The following LIFR variants were observed in gnomAD, a reference collection of about 807,000 sequenced individuals.
LIFR encodes LIF receptor subunit alpha, also known as leukemia inhibitory factor receptor.
LIFR carries 84 observed loss-of-function variants against 122.2 expected under a neutral mutation model. That is an observed-to-expected ratio of 0.69 (90% CI 0.58 to 0.82). The LOEUF (loss-of-function observed/expected upper bound fraction) is 0.82, where lower values mean the gene tolerates loss of function less well. Ranked by LOEUF, LIFR falls within the 40% of genes least tolerant of loss-of-function variation. The pLI is 0.00. For missense variants in LIFR, 1,294 were observed against 1,311.6 expected, an observed-to-expected ratio of 0.99 and a Z score of 0.21; for synonymous variants, 422 against 434.7, an observed-to-expected ratio of 0.97 and a Z score of 0.36.
intron 11 of LIFR, among the ~76,000 whole-genome samples, chr5:38,500,862 G>C (rs1745137593): frequency 6.6e-6 from 1 of 152,160 alleles, no homozygotes; most frequent in Non-Finnish European, 1.5e-5. Context: ...ATAATGGTAT[G>C]TTACTTCCGA....
At chr5:38,538,818 T>C (rs1303008627) in intron 1 of LIFR, among the ~76,000 whole-genome samples, 2 of 152,202 alleles carry the variant, frequency 1.3e-5, no homozygotes, top group Non-Finnish European at 2.9e-5. Context: ...ACTAACCCTA[T>C]CATTCTTTGA....
At chr5:38,511,463 G>A (rs191999775) in intron 6 of LIFR, among the ~76,000 whole-genome samples, 5 of 151,700 alleles carry the variant, frequency 3.3e-5, no homozygotes, top group Admixed American at 3.3e-4. Context: ...CAGAAATTGG[G>A]AACTGTTTTG....
intron 1 of LIFR, among the ~76,000 whole-genome samples, chr5:38,570,784 G>A (rs1438614606): frequency 2.6e-5 from 4 of 152,120 alleles, no homozygotes; most frequent in East Asian, 1.9e-4. Context: ...GATCTAACTT[G>A]CTAAATCTCC....
intron 1 of LIFR, among the ~76,000 whole-genome samples, chr5:38,565,991 GA>G (rs897658013): frequency 2.0e-5 from 3 of 152,148 alleles, no homozygotes; most frequent in African/African-American, 7.2e-5. Flanking sequence ...TTTGTCTTAT[GA>G]AGACTCTGAT....
upstream of LIFR, among the ~76,000 whole-genome samples, chr5:38,596,834 G>A (rs1002368586): frequency 2.6e-5 from 4 of 151,854 alleles, no homozygotes; most frequent in African/African-American, 9.7e-5. Context: ...GCGGTGACCT[G>A]TTCAACTTTG....
At chr5:38,581,233 C>CT (rs1320704590) in intron 1 of LIFR, among the ~76,000 whole-genome samples, 3 of 151,794 alleles carry the variant, frequency 2.0e-5, no homozygotes, top group Admixed American at 2.0e-4. Context: ...AAAAAAAAAA[C>CT]TTATCAGGTC....
intron 3 of LIFR, among the ~76,000 whole-genome samples, chr5:38,527,518 T>C (rs990468840): frequency 1.3e-5 from 2 of 152,178 alleles, no homozygotes; most frequent in Admixed American, 6.5e-5. Flanking sequence ...AGAATAAGCA[T>C]AGATGACTCC....
chr5:38,555,745 G>T (rs2112671407), intron 1 of LIFR, among the ~76,000 whole-genome samples: 1 of 152,190 alleles, frequency 6.6e-6, no homozygotes, highest in Non-Finnish European at 1.5e-5. Context: ...CATTAATTCA[G>T]ATTAATCATG....
intron 1 of LIFR, among the ~76,000 whole-genome samples, chr5:38,555,266 G>A (rs1383294976): frequency 6.6e-6 from 1 of 152,172 alleles, no homozygotes; most frequent in African/African-American, 2.4e-5. Context: ...TCTGGTAACA[G>A]TGAAATGTAA....
At chr5:38,587,524 C>G (rs990145559) in intron 1 of LIFR, among the ~76,000 whole-genome samples, 1 of 150,854 alleles carries the variant, frequency 6.6e-6, no homozygotes, top group African/African-American at 2.4e-5. Flanking sequence ...ACAGAACTAG[C>G]AAGAGAAGAC....
At chr5:38,494,446 C>G (rs1744768927) in intron 13 of LIFR, among the ~76,000 whole-genome samples, 1 of 65,620 alleles carries the variant, frequency 1.5e-5, no homozygotes, top group African/African-American at 4.7e-5. Context: ...TAGGAGACAC[C>G]AAGGGGCAAG....
At position 38,502,710 on chromosome 5, in the gene LIFR, A is replaced by G; in HGVS notation, c.1527T>C (p.Ile509=). 6.2e-7 allele frequency: 1 copy of G among 1,612,734 alleles called. No homozygotes were observed. Among genetic ancestry groups the G allele is most frequent in the Admixed American group, 1.7e-5 (1 of 60,012 alleles). Residue 509 remains isoleucine (I), a synonymous_variant, in exon 11 of 20, where the codon ATT becomes ATC. Transcript: ENST00000453190. ...LNPYTLYTFR[I]RCSTETFWKW... ...TCCAGAAAGTTTCAGTAGAACAACG[A>G]ATCCGAAAAGTATATAGAGTGTATG...
chr5:38,587,459 A>C (rs886071250), intron 1 of LIFR, among the ~76,000 whole-genome samples: 5 of 150,580 alleles, frequency 3.3e-5, no homozygotes, highest in Non-Finnish European at 7.4e-5. Context: ...AGAAAGAGTC[A>C]GGTAGCACTT....
In LIFR at chr5:38,482,716, AGAT is replaced by A. The variant is rs749976624; in HGVS notation, c.2592-52_2592-50del. 1.3e-5 allele frequency: 10 copies of A among 776,366 alleles called. No individual in the cohort carries two copies. The South Asian group carries it at 2.0e-4, about 15-fold the overall frequency. 48.1% of individuals were successfully genotyped at this position (776,366 alleles called of 1,614,324 possible). On this transcript the variant is annotated intron_variant, in intron 18 of 19. Coordinates refer to ENST00000453190, the MANE Select transcript of LIFR (RefSeq NM_001127671.2). Reference sequence around the variant, plus strand: ...TAAATTTAATAGTTTTAAGATTATTAGATAATAAATTAATAAATCATTAGGCTT... The same window carrying A: ...TAAATTTAATAGTTTTAAGATTATTAAATAAATTAATAAATCATTAGGCTT...
intron 5 of LIFR, among the ~76,000 whole-genome samples, chr5:38,519,544 C>A (rs902116220): frequency 6.6e-6 from 1 of 152,154 alleles, no homozygotes; most frequent in Non-Finnish European, 1.5e-5. Context: ...CTATCTAACA[C>A]AGAACTTATA....
intron 1 of LIFR, among the ~76,000 whole-genome samples, chr5:38,568,437 C>T (rs1247179707): frequency 1.3e-5 from 2 of 152,212 alleles, no homozygotes; most frequent in East Asian, 3.9e-4. Flanking sequence ...AGTCCAGAAG[C>T]ATGGGGAGGT....
Position 38,476,743 on chromosome 5 carries a change from T to C in LIFR, c.*4852A>G, listed in dbSNP as rs1743740881. On this transcript the variant is annotated 3_prime_UTR_variant, in exon 20 of 20. Transcript: ENST00000453190. Reference sequence around the variant, plus strand: ...TTTTCTTTTATAAGAGCTTTTGATGTACTGTTTCTACGGTTCTTTAGGCAC... The same window carrying C: ...TTTTCTTTTATAAGAGCTTTTGATGCACTGTTTCTACGGTTCTTTAGGCAC... 9.5e-6 allele frequency: 2 copies of C among 210,768 alleles called. No homozygotes were observed. Among genetic ancestry groups the C allele is most frequent in the Admixed American group, 5.9e-5 (1 of 16,944 alleles). The allele number at this position is 210,768 out of a possible 1,614,324, so 13.1% of individuals were successfully genotyped here.
chr5:38,569,826 G>C (rs756992667), intron 1 of LIFR, among the ~76,000 whole-genome samples: 3 of 152,050 alleles, frequency 2.0e-5, no homozygotes, highest in Non-Finnish European at 2.9e-5. Context: ...TCCTCTTTCC[G>C]AAGAATCTTT....
chr5:38,605,157 G>A (rs910763999), intron 2 of LIFR, among the ~76,000 whole-genome samples: 2 of 152,082 alleles, frequency 1.3e-5, no homozygotes, highest in Non-Finnish European at 2.9e-5. Flanking sequence ...AATGAGGCAC[G>A]TCTGGCCTCC....
Sources: gnomAD v4.1 joint callset for allele counts (sites outside exome capture counted in the v4.1 genomes callset) on GRCh38, gnomAD v4.1.1 for gene constraint, MANE v1.5 for transcripts, NCBI Gene and HGNC (gene_info 2026-07-23, HGNC 2026-07-21) for gene names.